ESR1: variants seen among roughly 807,000 people sequenced by gnomAD.
ESR1 encodes estrogen receptor.
A neutral mutation model predicts 52.7 loss-of-function variants in ESR1; 12 were observed. That is an observed-to-expected ratio of 0.23 (90% CI 0.15 to 0.37). The LOEUF is 0.37. ESR1 is among the 10% of genes least tolerant of loss of function. ESR1 has a pLI of 1.00. For synonymous variants in ESR1, 305 were observed against 316.8 expected, an observed-to-expected ratio of 0.96 and a Z score of 0.39; for missense variants, 584 against 779.7, an observed-to-expected ratio of 0.75 and a Z score of 2.99.
chr6:151,785,792 T>G (rs966816537), intron 2 of ESR1, among the ~76,000 whole-genome samples: 3 of 152,212 alleles, frequency 2.0e-5, no homozygotes, highest in South Asian at 2.1e-4. Flanking sequence ...CTGGACTGCA[T>G]TGTGGTAGTG....
intron 3 of ESR1, among the ~76,000 whole-genome samples, chr6:151,892,850 A>G (rs1794895148): frequency 1.3e-5 from 2 of 152,200 alleles, no homozygotes; most frequent in Non-Finnish European, 2.9e-5. Context: ...TGTCAGCCTT[A>G]AGAGACATCC....
intron 4 of ESR1, among the ~76,000 whole-genome samples, chr6:151,985,457 G>A (rs747345419): frequency 1.8e-4 from 23 of 127,664 alleles, no homozygotes; most frequent in East Asian, 2.5e-4. Flanking sequence ...GTAGTGAGCC[G>A]AGATTGCGCC....
intron 5 of ESR1, among the ~76,000 whole-genome samples, chr6:152,023,875 C>T (rs1467681897): frequency 1.3e-5 from 2 of 152,120 alleles, no homozygotes; most frequent in Admixed American, 1.3e-4. Flanking sequence ...CATACTTTAG[C>T]CTGCTTACCA....
At chr6:151,689,816 A>C (rs1778832458), upstream of ESR1, among the ~76,000 whole-genome samples, 1 of 152,196 alleles carries the variant, frequency 6.6e-6, no homozygotes, top group Admixed American at 6.5e-5. Flanking sequence ...TACTGCATAA[A>C]CCACACCAGA....
At chr6:152,107,083 T>C (rs575414981), downstream of ESR1, among the ~76,000 whole-genome samples, 7 of 124,900 alleles carry the variant, frequency 5.6e-5, no homozygotes, top group South Asian at 1.8e-3. Flanking sequence ...GATCTTTTTG[T>C]ATATATTCTA....
intron 6 of ESR1, among the ~76,000 whole-genome samples, chr6:152,075,911 G>A (rs781351298): frequency 2.0e-5 from 3 of 152,092 alleles, no homozygotes; most frequent in Non-Finnish European, 4.4e-5. Context: ...CATTGATTTG[G>A]CAAGGAATGA....
At chr6:152,069,410 GT>G (rs1393038212) in intron 6 of ESR1, among the ~76,000 whole-genome samples, 2 of 136,208 alleles carry the variant, frequency 1.5e-5, no homozygotes, top group Admixed American at 6.8e-5. Flanking sequence ...AACTTGAGGG[GT>G]TTTTTTTAGC....
Position 152,012,442 on chromosome 6 carries a change from T to C in ESR1, c.1235+648T>C, listed in dbSNP as rs1209755850. On this transcript the variant is annotated intron_variant, in intron 5 of 7. Transcript: ENST00000206249. ...TAGAGTCTCCACCCTGCACCAGCTG[T>C]GATGCTAAACACTTTACATATATTA... Among the ~76,000 whole-genome samples, 3 of 152,044 alleles carry C rather than the reference T, an allele frequency of 2.0e-5. No homozygotes were observed. In the East Asian group the frequency reaches 5.8e-4, roughly 29 times the overall value.
chr6:152,072,350 T>G (rs2048418574), intron 6 of ESR1, among the ~76,000 whole-genome samples: 1 of 152,228 alleles, frequency 6.6e-6, no homozygotes, highest in Admixed American at 6.5e-5. Flanking sequence ...TCTTTGCCAC[T>G]GATTTTTTTT....
At chr6:152,107,831 G>T (rs943401755), downstream of ESR1, among the ~76,000 whole-genome samples, 2 of 151,916 alleles carry the variant, frequency 1.3e-5, no homozygotes, top group Non-Finnish European at 2.9e-5. Context: ...CTAGTATTTG[G>T]CTTCTGATAT....
chr6:151,766,635 A>G (rs1308482124), intron 2 of ESR1, among the ~76,000 whole-genome samples: 1 of 152,238 alleles, frequency 6.6e-6, no homozygotes, highest in Non-Finnish European at 1.5e-5. Context: ...TATGGCAAGT[A>G]TAATGTCTAA....
At chr6:151,695,515 A>G (rs559593761) in intron 1 of ESR1, among the ~76,000 whole-genome samples, 1 of 152,336 alleles carries the variant, frequency 6.6e-6, no homozygotes, top group African/African-American at 2.4e-5. Context: ...CAAAATGACC[A>G]GCAGCTCAGC....
intron 3 of ESR1, among the ~76,000 whole-genome samples, chr6:151,892,394 G>T (rs1222497701): frequency 6.6e-6 from 1 of 152,124 alleles, no homozygotes; most frequent in Non-Finnish European, 1.5e-5. Flanking sequence ...CGGTAGGAAT[G>T]GGCAGAGTTA....
At chr6:151,924,907 G>A (rs12663316) in intron 3 of ESR1, among the ~76,000 whole-genome samples, 24,100 of 151,978 alleles carry the variant, frequency 0.16, 2,771 homozygotes, top group African/African-American at 0.32. Flanking sequence ...TGTGAATGGT[G>A]TTGCAATGAA....
intron 3 of ESR1, among the ~76,000 whole-genome samples, chr6:151,943,362 A>G (rs2128522036): frequency 6.6e-6 from 1 of 151,746 alleles, no homozygotes; most frequent in East Asian, 1.9e-4. Flanking sequence ...CCTGGGTGAC[A>G]CAGCGAGACT....
intron 3 of ESR1, among the ~76,000 whole-genome samples, chr6:151,913,196 C>G (rs781437124): frequency 1.3e-5 from 2 of 152,166 alleles, no homozygotes; most frequent in African/African-American, 2.4e-5. Flanking sequence ...TCTAAGATTA[C>G]TAGAAACCTT....
At chr6:151,842,920 C>A in intron 2 of ESR1, 133 bp downstream of exon 2, 1 of 734,130 alleles carries the variant, frequency 1.4e-6, no homozygotes, top group Non-Finnish European at 2.3e-6. Flanking sequence ...CCACTAGTAT[C>A]TTTGGTAGAA....
chr6:151,952,754 G>A (rs1368365887), intron 4 of ESR1, among the ~76,000 whole-genome samples: 1 of 152,164 alleles, frequency 6.6e-6, no homozygotes, highest in Non-Finnish European at 1.5e-5. Flanking sequence ...GAAATGAAAA[G>A]ATGAATAGTC....
At chr6:151,883,502 G>A (rs1400008485) in intron 3 of ESR1, among the ~76,000 whole-genome samples, 1 of 151,578 alleles carries the variant, frequency 6.6e-6, no homozygotes, top group Non-Finnish European at 1.5e-5. Flanking sequence ...CTCTGCGTCC[G>A]AGCACTCTTG....
Sources: allele counts gnomAD v4.1 joint callset (sites outside exome capture counted in the v4.1 genomes callset), GRCh38; gene constraint gnomAD v4.1.1; transcripts MANE v1.5; gene names NCBI Gene and HGNC (gene_info 2026-07-23, HGNC 2026-07-21).